The following RABGAP1 variants were observed in gnomAD, a reference collection of about 807,000 sequenced individuals.
The protein encoded by RABGAP1 is rab GTPase-activating protein 1.
RABGAP1 carries 23 observed loss-of-function variants against 137.6 expected under a neutral mutation model. The observed-to-expected ratio is 0.17, with a 90% CI of 0.12 to 0.24. The LOEUF (loss-of-function observed/expected upper bound fraction) is 0.24, where lower values mean the gene tolerates loss of function less well. RABGAP1 is among the 10% of genes least tolerant of loss of function. RABGAP1 has a pLI of 1.00. For synonymous variants in RABGAP1, 451 were observed against 450.7 expected, an observed-to-expected ratio of 1.00 and a Z score of -0.01; for missense variants, 906 against 1,275.8, an observed-to-expected ratio of 0.71 and a Z score of 4.42.
chr9:123,065,524 T>C lies in RABGAP1; in HGVS notation c.1908+63T>C, dbSNP rs1398351703. On this transcript the variant is annotated intron_variant, in intron 14 of 25. Coordinates refer to ENST00000373647, the MANE Select transcript of RABGAP1 (RefSeq NM_012197.4). ...GTGGTGGTTCTACTTTGAAATTACA[T>C]AAGAAACAACTACAAAGTGTAATTT... 5 of 1,179,610 alleles carry C rather than the reference T, an allele frequency of 4.2e-6. No homozygotes were observed. The South Asian group carries it at 6.1e-5, about 15-fold the overall frequency. The allele number at this position is 1,179,610 out of a possible 1,614,324, so 73.1% of individuals were successfully genotyped here. A position where few individuals can be genotyped will look rare whatever the true frequency, so the allele number is the denominator to read the frequency against.
chr9:123,015,734 A>G, intron 12 of RABGAP1, 98 bp downstream of exon 12: 1 of 707,336 alleles, frequency 1.4e-6, no homozygotes, highest in Admixed American at 2.8e-5. Flanking sequence ...AGTAGTAGAA[A>G]CCTAAGCGCA....
chr9:123,062,394 C>A (rs1238479528), intron 13 of RABGAP1: 1 of 152,114 alleles, frequency 6.6e-6, no homozygotes, highest in Non-Finnish European at 1.5e-5. Context: ...ATTTTCAGAA[C>A]CTTTTCAAAT....
chr9:122,968,285 C>G (rs549425580), intron 2 of RABGAP1, among the ~76,000 whole-genome samples: 3 of 141,290 alleles, frequency 2.1e-5, no homozygotes. Flanking sequence ...TGCAGTGGTG[C>G]AATCTCAGCT....
chr9:122,979,582 T>G (rs1014104638), intron 2 of RABGAP1, among the ~76,000 whole-genome samples: 4 of 152,254 alleles, frequency 2.6e-5, no homozygotes, highest in Non-Finnish European at 5.9e-5. Flanking sequence ...TCTGTATGTT[T>G]TATAATTTTA....
At chr9:123,073,331 G>A (rs914316642) in intron 15 of RABGAP1, among the ~76,000 whole-genome samples, 3 of 152,164 alleles carry the variant, frequency 2.0e-5, no homozygotes, top group Non-Finnish European at 4.4e-5. Context: ...ACTCCTTGAG[G>A]ACAGGAACCA....
chr9:123,047,918 G>C (rs1477074415), intron 13 of RABGAP1, among the ~76,000 whole-genome samples: 3 of 108,474 alleles, frequency 2.8e-5, no homozygotes, highest in Non-Finnish European at 6.2e-5. Flanking sequence ...ACAGCTGCTG[G>C]GTTTTTTTTT....
chr9:122,951,330 C>G (rs1834230839), intron 1 of RABGAP1, among the ~76,000 whole-genome samples: 1 of 151,672 alleles, frequency 6.6e-6, no homozygotes, highest in African/African-American at 2.4e-5. Context: ...TGCACATTAG[C>G]AAATCCATGC....
At chr9:123,045,403 A>G (rs1303254090) in intron 13 of RABGAP1, among the ~76,000 whole-genome samples, 1 of 152,188 alleles carries the variant, frequency 6.6e-6, no homozygotes, top group East Asian at 1.9e-4. Context: ...CATTTATAAA[A>G]GTTCCCCTTC....
At chr9:122,945,026 T>C (rs925781019) in intron 1 of RABGAP1, among the ~76,000 whole-genome samples, 2 of 152,020 alleles carry the variant, frequency 1.3e-5, no homozygotes, top group Non-Finnish European at 2.9e-5. Context: ...GTGCTTTGTA[T>C]GTAGTTACCT....
chr9:122,979,000 G>A (rs1407250261), intron 2 of RABGAP1, among the ~76,000 whole-genome samples: 1 of 151,988 alleles, frequency 6.6e-6, no homozygotes, highest in Non-Finnish European at 1.5e-5. Context: ...CTGGGTTCAA[G>A]TGATCCTCCC....
At chr9:123,098,863 TACC>T in intron 23 of RABGAP1, 65 bp downstream of exon 23, 1 of 877,894 alleles carries the variant, frequency 1.1e-6, no homozygotes, top group Non-Finnish European at 1.7e-6. Flanking sequence ...ATAAAATGTA[TACC>T]CGCCCCCCAC....
At chr9:122,947,920 T>G (rs945063280) in intron 1 of RABGAP1, among the ~76,000 whole-genome samples, 17 of 152,158 alleles carry the variant, frequency 1.1e-4, no homozygotes, top group Non-Finnish European at 2.9e-5. Flanking sequence ...AGGAATTTAT[T>G]TTTATAAAGA....
intron 1 of RABGAP1, among the ~76,000 whole-genome samples, chr9:122,951,366 G>T (rs1043331950): frequency 2.6e-5 from 4 of 151,426 alleles, no homozygotes; most frequent in African/African-American, 9.7e-5. Flanking sequence ...TTACTTCTCA[G>T]ATGTTAGTTA....
chr9:122,962,992 A>G (rs1437667100), intron 2 of RABGAP1, among the ~76,000 whole-genome samples: 1 of 152,254 alleles, frequency 6.6e-6, no homozygotes, highest in Admixed American at 6.5e-5. Context: ...TATATGAATA[A>G]TGACATTTTG....
At chr9:123,087,070 T>C (rs1386507148) in intron 19 of RABGAP1, among the ~76,000 whole-genome samples, 2 of 152,172 alleles carry the variant, frequency 1.3e-5, no homozygotes, top group African/African-American at 4.8e-5. Flanking sequence ...AAATGAGATG[T>C]TGGTCCGTGT....
chr9:123,078,165 A>C (rs921501702), intron 19 of RABGAP1, among the ~76,000 whole-genome samples: 27 of 152,238 alleles, frequency 1.8e-4, no homozygotes, highest in African/African-American at 6.3e-4. Flanking sequence ...TGGCTCCCCT[A>C]TCTGTTAAAG....
chr9:123,035,135 A>G (rs1415151972), intron 13 of RABGAP1: 3 of 1,613,826 alleles, frequency 1.9e-6, no homozygotes, highest in Non-Finnish European at 1.7e-6. Flanking sequence ...ACCGACTCCT[A>G]CTTCACCCTG....
At chr9:122,997,549 A>G (rs1163505397) in intron 9 of RABGAP1, among the ~76,000 whole-genome samples, 188 bp downstream of exon 9, 2 of 151,026 alleles carry the variant, frequency 1.3e-5, no homozygotes, top group African/African-American at 4.8e-5. Context: ...CCACTTTTCC[A>G]TCCTTTTTTT....
intron 11 of RABGAP1, among the ~76,000 whole-genome samples, chr9:123,014,658 A>AT (rs10560935): frequency 3.2e-4 from 34 of 107,254 alleles, no homozygotes; most frequent in African/African-American, 1.1e-3. Flanking sequence ...AAGAGGTTTA[A>AT]TTTTTTTTTT....
Sources: gnomAD v4.1 joint callset for allele counts (sites outside exome capture counted in the v4.1 genomes callset) on GRCh38, gnomAD v4.1.1 for gene constraint, MANE v1.5 for transcripts, NCBI Gene and HGNC (gene_info 2026-07-23, HGNC 2026-07-21) for gene names.